RSRC1: variants seen among roughly 807,000 people sequenced by gnomAD.
RSRC1 encodes the protein serine/Arginine-related protein 53.
A neutral mutation model predicts 49.1 loss-of-function variants in RSRC1; 39 were observed. That is an observed-to-expected ratio of 0.79 (90% CI 0.61 to 1.04). RSRC1 has a LOEUF of 1.04. RSRC1 is among the 50% of genes least tolerant of loss of function. RSRC1 has a pLI of 0.00. For missense variants in RSRC1, 388 were observed against 402.4 expected, an observed-to-expected ratio of 0.96 and a Z score of 0.31; for synonymous variants, 143 against 130.8, an observed-to-expected ratio of 1.09 and a Z score of -0.63.
chr3:158,396,652 C>A (rs539870979), intron 6 of RSRC1, among the ~76,000 whole-genome samples: 5 of 152,016 alleles, frequency 3.3e-5, no homozygotes, highest in Non-Finnish European at 7.4e-5. Flanking sequence ...TTCTCTATGG[C>A]AAACTGTAGT....
intron 7 of RSRC1, among the ~76,000 whole-genome samples, chr3:158,475,388 A>G (rs1738322257): frequency 6.6e-6 from 1 of 152,184 alleles, no homozygotes; most frequent in African/African-American, 2.4e-5. Flanking sequence ...GCATACAGAC[A>G]TACCTTGTTT....
chr3:158,326,372 T>C (rs1314179873), intron 5 of RSRC1, among the ~76,000 whole-genome samples: 3 of 152,204 alleles, frequency 2.0e-5, no homozygotes, highest in Non-Finnish European at 4.4e-5. Context: ...GGGTTTGTCA[T>C]AAATAGCTCT....
intron 4 of RSRC1, among the ~76,000 whole-genome samples, chr3:158,284,768 A>T (rs866997594): frequency 6.6e-5 from 10 of 151,250 alleles, no homozygotes; most frequent in South Asian, 6.3e-4. Flanking sequence ...AATTTGTTTG[A>T]GTTCATTGTA....
chr3:158,194,607 G>A (rs576671679), intron 3 of RSRC1, among the ~76,000 whole-genome samples: 240 of 149,646 alleles, frequency 1.6e-3, no homozygotes, highest in African/African-American at 4.9e-3. Context: ...TTAACTCGTC[G>A]TTTAACATTT....
In RSRC1 at chr3:158,398,390, G is replaced by A. The variant is rs77553332; in HGVS notation, c.583+43482G>A. ...AGGTTTGGTATCTGGTGAGGGCCAG[G>A]TGTCTGCTTCCAAGATGGCACCTTG... On this transcript the variant is annotated intron_variant, in intron 6 of 9. Transcript: ENST00000611884. Among the ~76,000 whole-genome samples, 1,123 of 152,192 alleles carry A rather than the reference G, an allele frequency of 7.4e-3. 6 individuals carry two copies. Among genetic ancestry groups the A allele is most frequent in the African/African-American group, 0.026 (1,061 of 41,524 alleles).
intron 8 of RSRC1, among the ~76,000 whole-genome samples, chr3:158,542,056 C>T (rs866575121): frequency 5.0e-4 from 76 of 151,992 alleles, no homozygotes; most frequent in African/African-American, 1.6e-3. Context: ...AAAGATACAT[C>T]GTACCTTTTT....
In RSRC1 at chr3:158,487,949, G is replaced by GGAAAAAAAAAAAAAAAAAAAAAAAAA. The variant is rs1553814781; in HGVS notation, c.652+26946_652+26947insGAAAAAAAAAAAAAAAAAAAAAAAAA. Among the ~76,000 whole-genome samples, 2 of 28,918 alleles carry GGAAAAAAAAAAAAAAAAAAAAAAAAA rather than the reference G, an allele frequency of 6.9e-5. 1 individual carries two copies. The highest frequency in any genetic ancestry group is 2.7e-4 in the African/African-American group (2 of 7,482). 19.0% of individuals were successfully genotyped at this position (28,918 alleles called of 152,430 possible). A position where few individuals can be genotyped will look rare whatever the true frequency, so the allele number is the denominator to read the frequency against. ...TAGGAGACAAGAGACTCCATCTCAA[G>GGAAAAAAAAAAAAAAAAAAAAAAAAA]AAAAAAAAAAAAAAAAAAAAAAAAA... is the stretch of plus-strand genomic sequence containing the variant. On this transcript the variant is annotated intron_variant, in intron 7 of 9. Transcript: ENST00000611884.
intron 7 of RSRC1, among the ~76,000 whole-genome samples, chr3:158,475,417 T>C (rs1188758034): frequency 1.3e-5 from 2 of 152,294 alleles, no homozygotes; most frequent in Non-Finnish European, 1.5e-5. Context: ...TTGGCAATAA[T>C]GATTGCACTT....
intron 7 of RSRC1, among the ~76,000 whole-genome samples, chr3:158,515,131 T>C: frequency 6.6e-6 from 1 of 150,850 alleles, no homozygotes; most frequent in Non-Finnish European, 1.5e-5. Flanking sequence ...AAAGTTAATA[T>C]TGTTATGTGT....
intron 4 of RSRC1, among the ~76,000 whole-genome samples, chr3:158,271,802 CACA>C (rs1559970627): frequency 6.6e-6 from 1 of 151,868 alleles, no homozygotes; most frequent in African/African-American, 2.4e-5. Context: ...TCATTATGAA[CACA>C]ACAAGAATTA....
intron 1 of RSRC1, among the ~76,000 whole-genome samples, chr3:158,116,885 C>T (rs749801014): frequency 6.6e-6 from 1 of 151,902 alleles, no homozygotes; most frequent in African/African-American, 2.4e-5. Flanking sequence ...GGATGTCTTT[C>T]GTATCTTCAG....
chr3:158,239,257 A>G (rs533235677), intron 4 of RSRC1, among the ~76,000 whole-genome samples: 100 of 152,298 alleles, frequency 6.6e-4, no homozygotes, highest in Middle Eastern at 3.4e-3. Context: ...TTTACACTGT[A>G]GGTGGGAGTG....
intron 5 of RSRC1, among the ~76,000 whole-genome samples, chr3:158,309,736 T>C (rs1359916386): frequency 6.6e-6 from 1 of 151,780 alleles, no homozygotes; most frequent in Admixed American, 6.6e-5. Flanking sequence ...TACCCGAATA[T>C]GTGATACACA....
intron 3 of RSRC1, among the ~76,000 whole-genome samples, chr3:158,187,656 A>G (rs1339184001): frequency 6.6e-6 from 1 of 152,004 alleles, no homozygotes; most frequent in Non-Finnish European, 1.5e-5. Context: ...TTTACAGTTT[A>G]GAGCATTTGA....
intron 6 of RSRC1, among the ~76,000 whole-genome samples, chr3:158,391,978 G>A (rs1733331286): frequency 6.6e-6 from 1 of 152,018 alleles, no homozygotes; most frequent in Non-Finnish European, 1.5e-5. Flanking sequence ...AAGAGGTGCT[G>A]CTGTCCTATT....
At chr3:158,212,020 A>C (rs1056046763) in intron 4 of RSRC1, among the ~76,000 whole-genome samples, 10 of 151,830 alleles carry the variant, frequency 6.6e-5, no homozygotes, top group Admixed American at 2.6e-4. Flanking sequence ...TATTTTGTAA[A>C]GTATTCCTAA....
chr3:158,286,186 T>A (rs991896847), intron 4 of RSRC1, among the ~76,000 whole-genome samples: 15 of 152,180 alleles, frequency 9.9e-5, no homozygotes, highest in Non-Finnish European at 1.6e-4. Flanking sequence ...ATGTTTCCAA[T>A]TAAGGAGTAA....
intron 6 of RSRC1, among the ~76,000 whole-genome samples, chr3:158,384,586 G>C (rs1205782312): frequency 5.9e-5 from 9 of 152,124 alleles, no homozygotes. Flanking sequence ...AGCAATTGCT[G>C]TGAGTCTTTA....
chr3:158,494,685 T>C (rs1405385630), intron 7 of RSRC1, among the ~76,000 whole-genome samples: 1 of 152,238 alleles, frequency 6.6e-6, no homozygotes, highest in Non-Finnish European at 1.5e-5. Flanking sequence ...ATTTCCTCTA[T>C]TTGCAGTTTT....
Sources: allele counts gnomAD v4.1 joint callset (sites outside exome capture counted in the v4.1 genomes callset), GRCh38; gene constraint gnomAD v4.1.1; transcripts MANE v1.5; gene names NCBI Gene and HGNC (gene_info 2026-07-23, HGNC 2026-07-21).